The following CFAP61 variants were observed in gnomAD, a reference collection of about 807,000 sequenced individuals.
The protein encoded by CFAP61 is cilia- and flagella-associated protein 61.
CFAP61 carries 107 observed loss-of-function variants against 135.6 expected under a neutral mutation model. The observed-to-expected ratio is 0.79, with a 90% CI of 0.67 to 0.93. CFAP61 has a LOEUF of 0.93. CFAP61 is among the 40% of genes least tolerant of loss of function. The pLI is 0.00. For synonymous variants in CFAP61, 575 were observed against 578.5 expected (o/e 0.99, Z 0.09); for missense variants, 1,507 against 1,556.2 (o/e 0.97, Z 0.53).
chr20:20,279,535 T>A (rs547016163), intron 22 of CFAP61, among the ~76,000 whole-genome samples: 4 of 152,286 alleles, frequency 2.6e-5, no homozygotes, highest in African/African-American at 9.6e-5. Flanking sequence ...GTCCTCATTG[T>A]CTTCACGTTG....
Position 20,159,293 on chromosome 20 carries a change from C to T in CFAP61, c.952-77C>T, listed in dbSNP as rs953071312. ...TGTAGAGCCAGGGTCTGAACCCTGG[C>T]AGTTTGCTCCAGAGCTTGGACTCTA... On this transcript the variant is annotated intron_variant, in intron 9 of 26. Coordinates refer to ENST00000245957, the MANE Select transcript of CFAP61 (RefSeq NM_015585.4). The T allele has an allele frequency of 3.2e-6, 4 of 1,254,144 alleles. No homozygotes were observed. In the African/African-American group the frequency reaches 1.0e-4, roughly 32 times the overall value. The allele number at this position is 1,254,144 out of a possible 1,614,324, so 77.7% of individuals were successfully genotyped here.
At chr20:20,323,594 CA>C (rs1350567313) in intron 25 of CFAP61, among the ~76,000 whole-genome samples, 4 of 152,082 alleles carry the variant, frequency 2.6e-5, no homozygotes, top group African/African-American at 9.7e-5. Context: ...AGCCAGTATC[CA>C]AAAGCCAAGG....
chr20:20,246,200 A>C lies in CFAP61; in HGVS notation c.2144A>C (p.Lys715Thr), dbSNP rs1369240371. ...GKKLLDTEQR[K>T]FLASDHCFND... Reference sequence around the variant, plus strand: ...AAACTTCTGGACACTGAACAAAGGAAATTTTTAGCCAGCGAGTATGAATTG... The same window carrying C: ...AAACTTCTGGACACTGAACAAAGGACATTTTTAGCCAGCGAGTATGAATTG... The change falls in exon 19 of 27, where the codon AAA (lysine) becomes ACA (threonine). Residue 715 changes from lysine (K) to threonine (T), a missense_variant. Transcript: ENST00000245957. 6 of 1,610,948 alleles carry C rather than the reference A, an allele frequency of 3.7e-6. No homozygotes were observed. The highest frequency in any genetic ancestry group is 5.1e-6 in the Non-Finnish European group (6 of 1,177,134).
At chr20:20,108,098 A>G (rs1219946042) in intron 8 of CFAP61, among the ~76,000 whole-genome samples, 1 of 152,150 alleles carries the variant, frequency 6.6e-6, no homozygotes, top group Non-Finnish European at 1.5e-5. Context: ...TTTCTCCCCC[A>G]TTTTGCCTAC....
chr20:20,331,982 C>A (rs1400552432), intron 25 of CFAP61, among the ~76,000 whole-genome samples: 5 of 152,188 alleles, frequency 3.3e-5, no homozygotes, highest in African/African-American at 1.2e-4. Flanking sequence ...GCTAACCTTG[C>A]CTCATACTAT....
intron 19 of CFAP61, 45 bp downstream of exon 19, chr20:20,246,260 A>C (rs2050447484): frequency 8.6e-7 from 1 of 1,160,114 alleles, no homozygotes; most frequent in Admixed American, 1.7e-5. Context: ...TAAATGTCCT[A>C]CTCTGTGTGC....
At chr20:20,067,294 C>A (rs2045344167) in intron 2 of CFAP61, among the ~76,000 whole-genome samples, 1 of 151,940 alleles carries the variant, frequency 6.6e-6, no homozygotes, top group South Asian at 2.1e-4. Context: ...TAAAAATATG[C>A]CTTCTCAGCC....
chr20:20,137,830 G>A (rs368356740), intron 8 of CFAP61, among the ~76,000 whole-genome samples: 116 of 152,232 alleles, frequency 7.6e-4, no homozygotes, highest in African/African-American at 2.4e-3. Context: ...GTCTCTTCTC[G>A]TAGCCACTAC....
chr20:20,208,924 T>A (rs1390335890), intron 17 of CFAP61, among the ~76,000 whole-genome samples: 1 of 152,150 alleles, frequency 6.6e-6, no homozygotes, highest in African/African-American at 2.4e-5. Flanking sequence ...ACCCCCTCCA[T>A]CTGTCCTCTT....
intron 8 of CFAP61, among the ~76,000 whole-genome samples, chr20:20,099,848 T>C (rs2328491): frequency 0.76 from 115,070 of 152,046 alleles, 43,877 homozygotes; most frequent in East Asian, 0.99. Context: ...CAGAAGGCAG[T>C]GACTTGGCTA....
intron 2 of CFAP61, among the ~76,000 whole-genome samples, chr20:20,064,852 T>A (rs2045119675): frequency 6.6e-6 from 1 of 152,154 alleles, no homozygotes; most frequent in Admixed American, 6.5e-5. Context: ...TTAATGAGTC[T>A]AAATTTGTGT....
chr20:20,282,775 C>G (rs576603026), intron 22 of CFAP61, among the ~76,000 whole-genome samples: 3 of 152,014 alleles, frequency 2.0e-5, no homozygotes, highest in Non-Finnish European at 4.4e-5. Flanking sequence ...CCTGTCTCCA[C>G]TAAACATATG....
At chr20:20,056,086 A>G in intron 1 of CFAP61, 1 of 1,124,330 alleles carries the variant, frequency 8.9e-7, no homozygotes. Context: ...TTATTATGGA[A>G]CCTCTCAAAG....
chr20:20,233,154 C>T (rs1280939040), intron 18 of CFAP61, among the ~76,000 whole-genome samples: 2 of 152,238 alleles, frequency 1.3e-5, no homozygotes, highest in Non-Finnish European at 2.9e-5. Flanking sequence ...ATATCCGGCA[C>T]AGCTGTGGGC....
chr20:20,282,218 A>G (rs1187621561), intron 22 of CFAP61, among the ~76,000 whole-genome samples: 3 of 151,902 alleles, frequency 2.0e-5, no homozygotes, highest in Non-Finnish European at 4.4e-5. Flanking sequence ...CCCAGTGTAG[A>G]TAGGGGTTTG....
At chr20:20,295,995 T>C (rs1375397447) in intron 24 of CFAP61, among the ~76,000 whole-genome samples, 3 of 95,864 alleles carry the variant, frequency 3.1e-5, no homozygotes, top group African/African-American at 3.9e-5. Flanking sequence ...GCTTCCCTCC[T>C]TCCTTCCTTC....
At position 20,326,425 on chromosome 20, in the gene CFAP61, A is replaced by T. The variant is rs984993463; in HGVS notation, c.3423-15406A>T. ...ACTTAGGAAATTTTCTCCACCTGGA[A>T]ATTGTAAAATATGCTCCTATTTTCT... On this transcript the variant is annotated intron_variant, in intron 25 of 26. Transcript: ENST00000245957. Among the ~76,000 whole-genome samples, 8 of 152,322 alleles carry T rather than the reference A, an allele frequency of 5.3e-5. No homozygotes were observed. In the South Asian group the frequency reaches 1.0e-3, roughly 20 times the overall value.
intron 13 of CFAP61, among the ~76,000 whole-genome samples, chr20:20,181,783 A>G (rs1337369461): frequency 6.6e-6 from 1 of 152,196 alleles, no homozygotes; most frequent in Admixed American, 6.5e-5. Context: ...CCCTTGGGAA[A>G]AGAACACTAA....
chr20:20,211,221 G>A (rs1156941085), intron 17 of CFAP61, among the ~76,000 whole-genome samples: 2 of 152,190 alleles, frequency 1.3e-5, no homozygotes, highest in Non-Finnish European at 2.9e-5. Flanking sequence ...GCAGTACCTG[G>A]TTAGCCGGGG....
Sources: allele counts gnomAD v4.1 joint callset (sites outside exome capture counted in the v4.1 genomes callset), GRCh38; gene constraint gnomAD v4.1.1; transcripts MANE v1.5; gene names NCBI Gene and HGNC (gene_info 2026-07-23, HGNC 2026-07-21).